The following NAV1 variants were observed in gnomAD, a reference collection of about 807,000 sequenced individuals.
NAV1 encodes the protein pore membrane and/or filament interacting like protein 3.
NAV1 carries 18 observed loss-of-function variants against 175.2 expected under a neutral mutation model. That is an observed-to-expected ratio of 0.10 (90% CI 0.07 to 0.15). The LOEUF (loss-of-function observed/expected upper bound fraction) is 0.15. Among genes scored for constraint, NAV1 ranks in the 10% least tolerant of loss-of-function variants. The pLI is 1.00. For missense variants in NAV1, 1,731 were observed against 2,436.6 expected, an observed-to-expected ratio of 0.71 and a Z score of 6.10; for synonymous variants, 897 against 978.7, an observed-to-expected ratio of 0.92 and a Z score of 1.56.
At chr1:201,772,614 G>A (rs1675659722) in intron 3 of NAV1, among the ~76,000 whole-genome samples, 1 of 152,182 alleles carries the variant, frequency 6.6e-6, no homozygotes, top group African/African-American at 2.4e-5. Context: ...CTTTATGTAT[G>A]TTGTCTATAC....
chr1:201,667,648 C>T (rs1034186200), intron 1 of NAV1, among the ~76,000 whole-genome samples: 1 of 152,238 alleles, frequency 6.6e-6, no homozygotes, highest in African/African-American at 2.4e-5. Context: ...CAAACAGCTG[C>T]TGTTGGCCTG....
chr1:201,773,781 A>G (rs1675750940), intron 3 of NAV1, among the ~76,000 whole-genome samples: 1 of 152,230 alleles, frequency 6.6e-6, no homozygotes, highest in African/African-American at 2.4e-5. Context: ...TAAGTATCCC[A>G]TGGAGAAAGT....
chr1:201,551,354 G>C (rs1019263889), intron 1 of NAV1, among the ~76,000 whole-genome samples: 9 of 152,148 alleles, frequency 5.9e-5, no homozygotes, highest in African/African-American at 2.2e-4. Flanking sequence ...TCAGCCTCCT[G>C]AGTACCTGGG....
At chr1:201,612,972 G>A (rs1443865336) in intron 2 of NAV1, among the ~76,000 whole-genome samples, 1 of 152,126 alleles carries the variant, frequency 6.6e-6, no homozygotes, top group Non-Finnish European at 1.5e-5. Flanking sequence ...AGCCCAAGTT[G>A]AGATTTGGCC....
At chr1:201,728,893 T>C (rs916977673) in intron 3 of NAV1, among the ~76,000 whole-genome samples, 4 of 152,256 alleles carry the variant, frequency 2.6e-5, no homozygotes, top group African/African-American at 9.6e-5. Flanking sequence ...GAGGGGCTGC[T>C]GGAGGTATTC....
chr1:201,564,180 A>G (rs969179694), intron 1 of NAV1, among the ~76,000 whole-genome samples: 2 of 152,034 alleles, frequency 1.3e-5, no homozygotes, highest in East Asian at 3.8e-4. Context: ...GCAGGCAGGC[A>G]GGCATCCTCG....
Position 201,786,407 on chromosome 1 carries a change from GTTC to G in NAV1, c.2847-17_2847-15del, listed in dbSNP as rs773892770. On this transcript the variant is annotated intron_variant, in intron 8 of 29. Coordinates refer to ENST00000367296, the Ensembl canonical transcript of NAV1. Reference sequence around the variant, plus strand: ...ACCGCACTTGCTAGTCCCAGACTGAGTTCTTCTGCTGCTTCCTACAGGTACCAG... The same window carrying G: ...ACCGCACTTGCTAGTCCCAGACTGAGTTCTGCTGCTTCCTACAGGTACCAG... 5 of 1,605,216 alleles carry G rather than the reference GTTC, an allele frequency of 3.1e-6. No homozygotes were observed. The highest frequency in any genetic ancestry group is 3.3e-4 in the Middle Eastern group (2 of 6,050).
chr1:201,727,815 G>A (rs536538034), intron 3 of NAV1, among the ~76,000 whole-genome samples: 2 of 152,342 alleles, frequency 1.3e-5, no homozygotes, highest in East Asian at 3.9e-4. Context: ...AGAAGGGCAA[G>A]GAAGCATGGG....
chr1:201,615,612 G>T (rs1269733523), intron 2 of NAV1, among the ~76,000 whole-genome samples: 3 of 152,108 alleles, frequency 2.0e-5, no homozygotes, highest in African/African-American at 7.2e-5. Context: ...ACCAAGCTAG[G>T]TGCCTTATCT....
intron 1 of NAV1, among the ~76,000 whole-genome samples, chr1:201,574,197 C>A (rs984022128): frequency 6.6e-6 from 1 of 152,124 alleles, no homozygotes; most frequent in African/African-American, 2.4e-5. Flanking sequence ...AGGACACTCA[C>A]CATGTAGTAA....
intron 29 of NAV1, among the ~76,000 whole-genome samples, chr1:201,818,941 G>A (rs1227169624): frequency 1.3e-5 from 2 of 152,216 alleles, no homozygotes; most frequent in Non-Finnish European, 2.9e-5. Flanking sequence ...GAAGAGAATT[G>A]TGGAGAGCAG....
At chr1:201,553,593 G>A (rs374332909) in intron 1 of NAV1, among the ~76,000 whole-genome samples, 33 of 152,098 alleles carry the variant, frequency 2.2e-4, no homozygotes, top group Non-Finnish European at 2.6e-4. Flanking sequence ...AAATGAATAC[G>A]CCCATGTGAC....
chr1:201,568,894 T>C (rs1666447720), intron 1 of NAV1, among the ~76,000 whole-genome samples: 1 of 152,050 alleles, frequency 6.6e-6, no homozygotes, highest in Non-Finnish European at 1.5e-5. Context: ...GCGGGGGTCC[T>C]CTAGGTCAGT....
At chr1:201,721,895 C>G (rs1239191557) in intron 3 of NAV1, among the ~76,000 whole-genome samples, 6 of 152,194 alleles carry the variant, frequency 3.9e-5, no homozygotes, top group African/African-American at 1.4e-4. Flanking sequence ...TCTTCCCAAG[C>G]CCCTGTTCAG....
At chr1:201,677,247 T>G (rs1670284845) in intron 1 of NAV1, among the ~76,000 whole-genome samples, 1 of 40,716 alleles carries the variant, frequency 2.5e-5, no homozygotes, top group Admixed American at 3.3e-4. Context: ...TGAGACTCCA[T>G]CTCAAAAAAA....
At chr1:201,701,919 G>A (rs1362884694) in intron 1 of NAV1, among the ~76,000 whole-genome samples, 1 of 152,168 alleles carries the variant, frequency 6.6e-6, no homozygotes, top group Non-Finnish European at 1.5e-5. Flanking sequence ...TCCATATAAA[G>A]GCATGGACGT....
intron 2 of NAV1, among the ~76,000 whole-genome samples, chr1:201,595,909 G>A (rs1037676430): frequency 6.6e-6 from 1 of 152,224 alleles, no homozygotes; most frequent in African/African-American, 2.4e-5. Context: ...AACTAACTGT[G>A]GTTAACTTCG....
intron 1 of NAV1, among the ~76,000 whole-genome samples, chr1:201,657,339 A>T: frequency 6.6e-6 from 1 of 152,156 alleles, no homozygotes; most frequent in East Asian, 1.9e-4. Context: ...TTGAGCTTTG[A>T]TTCTGTCTTC....
chr1:201,793,892 AGGGTGGGAGGGGT>A lies in NAV1; in HGVS notation c.3405+23_3405+35del. The A allele has an allele frequency of 3.0e-6, 1 of 330,610 alleles. No individual in the cohort carries two copies. Among genetic ancestry groups the A allele is most frequent in the Non-Finnish European group, 6.1e-6 (1 of 164,870 alleles). 20.5% of individuals were successfully genotyped at this position (330,610 alleles called of 1,614,324 possible). A position where few individuals can be genotyped will look rare whatever the true frequency, so the allele number is the denominator to read the frequency against. ...GAGGAGAAGGTGAGAGGCCTGGGAAAGGGTGGGAGGGGTGGGTGCGGCGAGGGGGTTCTCCTGG... is the reference window on the plus strand; with the variant it reads ...GAGGAGAAGGTGAGAGGCCTGGGAAAGGGTGCGGCGAGGGGGTTCTCCTGG... On this transcript the variant is annotated intron_variant, in intron 14 of 29. Coordinates refer to ENST00000367296, the Ensembl canonical transcript of NAV1.
Sources: gnomAD v4.1 joint callset for allele counts (sites outside exome capture counted in the v4.1 genomes callset) on GRCh38, gnomAD v4.1.1 for gene constraint, MANE v1.5 for transcripts, NCBI Gene and HGNC (gene_info 2026-07-23, HGNC 2026-07-21) for gene names.